ANO1: variants seen among roughly 807,000 people sequenced by gnomAD.
The protein encoded by ANO1 is anoctamin-1.
ANO1 carries 59 observed loss-of-function variants against 124.0 expected under a neutral mutation model. The ratio of observed to expected loss-of-function variants is 0.48; its 90% confidence interval spans 0.39 to 0.59. The LOEUF (loss-of-function observed/expected upper bound fraction) is 0.59. Among genes scored for constraint, ANO1 ranks in the 20% least tolerant of loss-of-function variants. The pLI, the probability that ANO1 is intolerant of heterozygous loss-of-function variation, is 0.00. For missense variants in ANO1, 1,059 were observed against 1,328.0 expected, an observed-to-expected ratio of 0.80 and a Z score of 3.15; for synonymous variants, 529 against 532.0, an observed-to-expected ratio of 0.99 and a Z score of 0.08.
At chr11:69,969,684 C>T in the ANO1 span, among the ~76,000 whole-genome samples, 2 of 152,166 alleles carry the variant, frequency 1.3e-5, no homozygotes, top group Admixed American at 6.5e-5. Flanking sequence ...CACGGTGGCT[C>T]ACACCTGTAA....
At chr11:69,976,116 T>C in the ANO1 span, among the ~76,000 whole-genome samples, 1 of 152,174 alleles carries the variant, frequency 6.6e-6, no homozygotes, top group Non-Finnish European at 1.5e-5. Context: ...TGTCATGAGT[T>C]GAAATCTGTC....
chr11:70,016,535 C>G (rs1457351200), intron 1 of ANO1: 1 of 152,244 alleles, frequency 6.6e-6, no homozygotes, highest in Non-Finnish European at 1.5e-5. Context: ...CAGTGGCCAG[C>G]CTGGGATGCT....
intron 1 of ANO1, among the ~76,000 whole-genome samples, chr11:70,083,816 G>A (rs1004804518): frequency 1.3e-4 from 20 of 152,136 alleles, no homozygotes; most frequent in African/African-American, 3.9e-4. Flanking sequence ...CCAGGCCTCC[G>A]GGGTCCTGCC....
intron 11 of ANO1, among the ~76,000 whole-genome samples, chr11:70,144,282 A>G (rs1475554866): frequency 6.6e-6 from 1 of 152,232 alleles, no homozygotes; most frequent in African/African-American, 2.4e-5. Context: ...TCCTCTGTCA[A>G]GCCCTTAGAG....
chr11:70,088,161 C>T (rs2135231932), intron 2 of ANO1, 77 bp downstream of exon 2: 1 of 910,008 alleles, frequency 1.1e-6, no homozygotes, highest in South Asian at 2.0e-5. Context: ...GCAGCTGCTT[C>T]CATAGTCAGA....
intron 3 of ANO1, 150 bp from the exon 4 acceptor site, chr11:70,103,849 G>T: frequency 2.7e-6 from 2 of 751,788 alleles, no homozygotes; most frequent in Non-Finnish European, 2.1e-6. Flanking sequence ...GGGCGGGGTG[G>T]GGCGGTGCAT....
At chr11:70,013,441 T>A (rs1376451184) in intron 1 of ANO1, among the ~76,000 whole-genome samples, 9 of 152,064 alleles carry the variant, frequency 5.9e-5, no homozygotes, top group Non-Finnish European at 1.2e-4. Flanking sequence ...AAAGCACACA[T>A]GTCCCAGGCA....
chr11:70,180,885 C>G (rs946514827), intron 23 of ANO1, among the ~76,000 whole-genome samples: 2 of 152,346 alleles, frequency 1.3e-5, no homozygotes, highest in African/African-American at 4.8e-5. Flanking sequence ...GCCTTACACA[C>G]GGCTCTGCTA....
chr11:70,047,675 C>A (rs1218998031), intron 1 of ANO1, among the ~76,000 whole-genome samples: 3 of 152,208 alleles, frequency 2.0e-5, no homozygotes, highest in African/African-American at 4.8e-5. Flanking sequence ...ATTCAGCCTT[C>A]TCATGACACT....
At chr11:70,037,845 T>A (rs1432784074) in intron 1 of ANO1, among the ~76,000 whole-genome samples, 1 of 152,194 alleles carries the variant, frequency 6.6e-6, no homozygotes, top group Non-Finnish European at 1.5e-5. Flanking sequence ...TACTGCCATT[T>A]GCAGCTGGGG....
At position 70,172,000 on chromosome 11, in the gene ANO1, G is replaced by A. The variant is rs1329161981; in HGVS notation, c.2350+961G>A. Among the ~76,000 whole-genome samples, 5 of 151,774 alleles carry A rather than the reference G, an allele frequency of 3.3e-5. No homozygotes were observed. In the East Asian group the frequency reaches 9.7e-4, roughly 29 times the overall value. On this transcript the variant is annotated intron_variant, in intron 22 of 25. Transcript: ENST00000355303. ...CTGGATGTGGTGGCACAGACCTGTG[G>A]TCCCAGCTACTTGGGAGGCTGAGGC...
chr11:69,970,274 A>G, the ANO1 span, among the ~76,000 whole-genome samples: 1 of 152,178 alleles, frequency 6.6e-6, no homozygotes, highest in Non-Finnish European at 1.5e-5. Flanking sequence ...GCACGGCTGC[A>G]GAGAGCCCAG....
At chr11:70,124,233 A>G (rs988001819) in intron 8 of ANO1, 117 bp from the exon 9 acceptor site, 5 of 911,434 alleles carry the variant, frequency 5.5e-6, no homozygotes, top group Non-Finnish European at 8.8e-6. Flanking sequence ...ACTCTCAAGA[A>G]GTGTTTATGG....
chr11:70,042,325 A>C (rs369003006), intron 1 of ANO1, among the ~76,000 whole-genome samples: 31 of 152,316 alleles, frequency 2.0e-4, no homozygotes, highest in African/African-American at 7.2e-4. Flanking sequence ...TCCTTCCTAG[A>C]GGTAGTTTTC....
rs1452426897 is a variant in ANO1 at position 70,187,934 on chromosome 11, A to T, written c.2891A>T (p.Asn964Ile). 1.9e-6 allele frequency: 3 copies of T among 1,583,616 alleles called. No individual in the cohort carries two copies. Among genetic ancestry groups the T allele is most frequent in the Non-Finnish European group, 2.6e-6 (3 of 1,165,928 alleles). Reference protein sequence around the residue: ...QKDEPPCNHHNTKACPDSLGS... With the variant: ...QKDEPPCNHHITKACPDSLGS... ...GACGAGCCGCCGTGCAACCACCACA[A>T]CACCAAAGCCTGCCCAGACAGCCTC... The change falls in exon 26 of 26, where the codon AAC becomes ATC. Residue 964 changes from asparagine to isoleucine, a missense_variant. This residue lies in a region of ANO1 where 809 missense variants were observed against 1,094.9 expected (regional missense o/e 0.74). Coordinates refer to ENST00000355303, the MANE Select transcript of ANO1 (RefSeq NM_018043.7).
chr11:70,162,268 ACAGTGGGGACCCCGGG>A (rs1338544789), intron 18 of ANO1, among the ~76,000 whole-genome samples: 1 of 114,966 alleles, frequency 8.7e-6, no homozygotes, highest in Non-Finnish European at 1.8e-5. Context: ...AGGGCCCCGG[ACAGTGGGGACCCCGGG>A]CAGTGGGGAC....
chr11:70,070,280 G>A (rs117615250), intron 1 of ANO1, among the ~76,000 whole-genome samples: 2,167 of 152,264 alleles, frequency 0.014, 30 homozygotes, highest in Non-Finnish European at 0.022. Context: ...GGTGAGGGGA[G>A]GCAGAGGGAA....
At chr11:70,037,571 G>T (rs1165277699) in intron 1 of ANO1, among the ~76,000 whole-genome samples, 2 of 152,084 alleles carry the variant, frequency 1.3e-5, no homozygotes, top group African/African-American at 4.8e-5. Context: ...CAACCTTCAA[G>T]GGCAAGCCAG....
chr11:70,150,101 C>T lies in ANO1; in HGVS notation c.1341+309C>T, dbSNP rs550369747. 6.5e-4 allele frequency among the ~76,000 whole-genome samples: 99 copies of T among 152,268 alleles called. 1 individual carries two copies. Among genetic ancestry groups the T allele is most frequent in the African/African-American group, 2.0e-3 (84 of 41,562 alleles). On this transcript the variant is annotated intron_variant, in intron 12 of 25. Coordinates refer to ENST00000355303, the MANE Select transcript of ANO1 (RefSeq NM_018043.7). ...AGGGCTCACCACACTGACCTCATCG[C>T]GTCTGGGGGCTGCCTGGGCTGTCGG...
Sources: allele counts gnomAD v4.1 joint callset (sites outside exome capture counted in the v4.1 genomes callset), GRCh38; gene constraint gnomAD v4.1.1; regional missense constraint gnomAD v4.1.1; transcripts MANE v1.5; gene names NCBI Gene and HGNC (gene_info 2026-07-23, HGNC 2026-07-21).